KIRREL3: variants seen among roughly 807,000 people sequenced by gnomAD.
KIRREL3 encodes kin of IRRE-like protein 3.
Under a neutral mutation model 89.7 loss-of-function variants are expected in KIRREL3, and 36 were observed. The observed-to-expected ratio is 0.40, with a 90% CI of 0.31 to 0.53. The LOEUF (loss-of-function observed/expected upper bound fraction) is 0.53, where lower values mean the gene tolerates loss of function less well. Ranked by LOEUF, KIRREL3 falls within the 20% of genes least tolerant of loss-of-function variation. KIRREL3 has a pLI of 0.49. For synonymous variants in KIRREL3, 445 were observed against 441.4 expected, an observed-to-expected ratio of 1.01 and a Z score of -0.10; for missense variants, 864 against 1,056.6, an observed-to-expected ratio of 0.82 and a Z score of 2.53.
intron 5 of KIRREL3, among the ~76,000 whole-genome samples, chr11:126,467,644 T>TAAAAA (rs1406869571): frequency 1.7e-4 from 26 of 150,308 alleles, no homozygotes; most frequent in African/African-American, 6.1e-4. Flanking sequence ...TTTTTTTTTT[T>TAAAAA]AAAAAATCAT....
Position 126,791,138 on chromosome 11 carries a change from A to G in KIRREL3, c.55+209317T>C, listed in dbSNP as rs1358861612. Among the ~76,000 whole-genome samples the G allele has an allele frequency of 2.0e-5, 3 of 152,184 alleles. No homozygotes were observed. The highest frequency in any genetic ancestry group is 1.5e-5 in the Non-Finnish European group (1 of 68,032). ...GAAAAACCATCTTTGGTAACAAAAGATCAGAAATTGCCTCCTGAGCGCTGC... is the reference window on the plus strand; with the variant it reads ...GAAAAACCATCTTTGGTAACAAAAGGTCAGAAATTGCCTCCTGAGCGCTGC... On this transcript the variant is annotated intron_variant, in intron 1 of 16. Transcript: ENST00000525144. This position sits in a 1 kb window ranked among gnomAD's most constrained non-coding sequence, Gnocchi z 4.8.
At position 126,797,730 on chromosome 11, in the gene KIRREL3, T is replaced by G. The variant is rs575118357; in HGVS notation, c.55+202725A>C. ...ACAGAATCACATGGTTGAAAAGAAC[T>G]GTAATTGTAATGGAAATTCAAATCA... On this transcript the variant is annotated intron_variant, in intron 1 of 16. Transcript: ENST00000525144. This position sits in a 1 kb window ranked among gnomAD's most constrained non-coding sequence, Gnocchi z 4.9. Among the ~76,000 whole-genome samples the G allele has an allele frequency of 1.0e-3, 156 of 152,296 alleles. No homozygotes were observed. The highest frequency in any genetic ancestry group is 3.6e-3 in the African/African-American group (149 of 41,568).
intron 1 of KIRREL3, among the ~76,000 whole-genome samples, chr11:126,984,376 A>G (rs996926792): frequency 3.3e-5 from 5 of 152,160 alleles, no homozygotes; most frequent in Admixed American, 6.5e-5. Flanking sequence ...ACATGCTTGG[A>G]GGATGAGGAG....
At chr11:126,895,023 A>G (rs377413217) in intron 1 of KIRREL3, among the ~76,000 whole-genome samples, 2 of 152,160 alleles carry the variant, frequency 1.3e-5, no homozygotes, top group Admixed American at 1.3e-4. Flanking sequence ...ACTCTGCAAG[A>G]GTCACAGGAT....
intron 1 of KIRREL3, among the ~76,000 whole-genome samples, chr11:126,662,910 T>C (rs1025391542): frequency 5.5e-5 from 8 of 145,908 alleles, no homozygotes; most frequent in African/African-American, 7.6e-5. Flanking sequence ...TCCTTTCTTT[T>C]TTTTTTTTTT....
intron 1 of KIRREL3, among the ~76,000 whole-genome samples, chr11:126,956,116 C>T (rs568836277): frequency 3.9e-5 from 6 of 152,244 alleles, no homozygotes; most frequent in African/African-American, 9.6e-5. Flanking sequence ...TAGACTCTGC[C>T]GCCTCTCTAC....
At chr11:126,457,456 T>C (rs1038110562) in intron 6 of KIRREL3, among the ~76,000 whole-genome samples, 1 of 151,694 alleles carries the variant, frequency 6.6e-6, no homozygotes, top group Non-Finnish European at 1.5e-5. Context: ...TGTGTGTGTA[T>C]ACATGTGTAT....
chr11:126,690,226 T>G (rs607258), intron 1 of KIRREL3, among the ~76,000 whole-genome samples: 1 of 152,230 alleles, frequency 6.6e-6, no homozygotes, highest in African/African-American at 2.4e-5. Context: ...TTCATGTATG[T>G]GCTGATAGCT....
Position 126,575,884 on chromosome 11 carries a change from T to C in KIRREL3, c.56-12972A>G, listed in dbSNP as rs187832763. 6.6e-6 allele frequency among the ~76,000 whole-genome samples: 1 copy of C among 152,316 alleles called. No homozygotes were observed. The highest frequency in any genetic ancestry group is 1.5e-5 in the Non-Finnish European group (1 of 68,028). ...CCTTGCAGATGGGCATCCCCTCCTC[T>C]GGACACCACCCCCCGCCAACTGCCT... On this transcript the variant is annotated intron_variant, in intron 1 of 16. Transcript: ENST00000525144. The surrounding 1 kb of genome is among the most constrained non-coding windows in gnomAD (Gnocchi z 7.0).
chr11:126,595,673 A>T (rs1942358476), intron 1 of KIRREL3, among the ~76,000 whole-genome samples: 1 of 152,220 alleles, frequency 6.6e-6, no homozygotes, highest in Non-Finnish European at 1.5e-5. Flanking sequence ...AGATAGGACT[A>T]GAATGAGTTC....
rs998296176 is a variant in KIRREL3 at position 126,636,068 on chromosome 11, G to A, written c.56-73156C>T. ...CAGCCCCCTTAGAGTGACAGAGATG[G>A]GGCTACCTCACAACTCTGCCACTTA... On this transcript the variant is annotated intron_variant, in intron 1 of 16. Coordinates refer to ENST00000525144, the MANE Select transcript of KIRREL3 (RefSeq NM_032531.4). This position sits in a 1 kb window ranked among gnomAD's most constrained non-coding sequence, Gnocchi z 4.4. Among the ~76,000 whole-genome samples the A allele has an allele frequency of 1.3e-5, 2 of 152,116 alleles. No homozygotes were observed. The highest frequency in any genetic ancestry group is 4.8e-5 in the African/African-American group (2 of 41,430).
At chr11:126,681,603 T>C (rs909258934) in intron 1 of KIRREL3, among the ~76,000 whole-genome samples, 3 of 87,968 alleles carry the variant, frequency 3.4e-5, no homozygotes, top group Admixed American at 1.0e-4. Context: ...TGGGAATGTA[T>C]ATACAGACAC....
chr11:126,621,521 C>T (rs983814428), intron 1 of KIRREL3, among the ~76,000 whole-genome samples: 3 of 152,112 alleles, frequency 2.0e-5, no homozygotes, highest in Non-Finnish European at 4.4e-5. Flanking sequence ...AAAGTAGATC[C>T]ATGTATAAAA....
At chr11:126,792,185 A>G (rs962577965) in intron 1 of KIRREL3, among the ~76,000 whole-genome samples, 2 of 152,188 alleles carry the variant, frequency 1.3e-5, no homozygotes, top group Admixed American at 1.3e-4. Flanking sequence ...CTCATTAGCT[A>G]GCAGACCACT....
At position 126,666,601 on chromosome 11, in the gene KIRREL3, T is replaced by C. The variant is rs1055711891; in HGVS notation, c.56-103689A>G. Among the ~76,000 whole-genome samples the C allele has an allele frequency of 6.6e-6, 1 of 152,170 alleles. No individual in the cohort carries two copies. The highest frequency in any genetic ancestry group is 2.4e-5 in the African/African-American group (1 of 41,436). On this transcript the variant is annotated intron_variant, in intron 1 of 16. Transcript: ENST00000525144. This position sits in a 1 kb window ranked among gnomAD's most constrained non-coding sequence, Gnocchi z 4.2. Reference sequence around the variant, plus strand: ...CTTACATGGCACAAGGAAAACAATATCAATGATTTGTGCTGCCTGCTTGTC... The same window carrying C: ...CTTACATGGCACAAGGAAAACAATACCAATGATTTGTGCTGCCTGCTTGTC...
At chr11:126,873,680 G>C (rs1196993320) in intron 1 of KIRREL3, among the ~76,000 whole-genome samples, 2 of 152,132 alleles carry the variant, frequency 1.3e-5, no homozygotes, top group African/African-American at 4.8e-5. Context: ...CACATGTCCG[G>C]AACACCTCAG....
intron 1 of KIRREL3, among the ~76,000 whole-genome samples, chr11:126,839,706 C>T (rs1008383005): frequency 1.3e-5 from 2 of 152,144 alleles, no homozygotes; most frequent in African/African-American, 2.4e-5. Flanking sequence ...GTGTTATCTC[C>T]CTGAAACATC....
At chr11:126,925,133 C>T (rs1263223266) in intron 1 of KIRREL3, among the ~76,000 whole-genome samples, 2 of 140,090 alleles carry the variant, frequency 1.4e-5, no homozygotes, top group Non-Finnish European at 3.0e-5. Flanking sequence ...CAGGATTGTG[C>T]AAAGCCCTGC....
chr11:126,616,782 C>T (rs1321351440), intron 1 of KIRREL3, among the ~76,000 whole-genome samples: 1 of 152,194 alleles, frequency 6.6e-6, no homozygotes, highest in Non-Finnish European at 1.5e-5. Context: ...GCTGAGACTA[C>T]AGGTGCACAC....
Sources: allele counts gnomAD v4.1 joint callset (sites outside exome capture counted in the v4.1 genomes callset), GRCh38; gene constraint gnomAD v4.1.1; non-coding constraint Gnocchi (gnomAD v3.1); transcripts MANE v1.5; gene names NCBI Gene and HGNC (gene_info 2026-07-23, HGNC 2026-07-21).